PLCE1: variants seen among roughly 807,000 people sequenced by gnomAD.
PLCE1 encodes phospholipase C epsilon 1, also known as 1-phosphatidylinositol 4,5-bisphosphate phosphodiesterase epsilon-1.
In PLCE1, 119 loss-of-function variants were observed where a neutral mutation model predicts 242.8. The ratio of observed to expected loss-of-function variants is 0.49; its 90% CI spans 0.42 to 0.57. The LOEUF (loss-of-function observed/expected upper bound fraction) is 0.57. Among genes scored for constraint, PLCE1 ranks in the 20% least tolerant of loss-of-function variants. PLCE1 has a pLI of 0.00. For missense variants in PLCE1, 2,441 were observed against 2,788.8 expected, an observed-to-expected ratio of 0.88 and a Z score of 2.81; for synonymous variants, 945 against 1,017.4, an observed-to-expected ratio of 0.93 and a Z score of 1.35.
chr10:94,225,153 A>G (rs1423957376), intron 4 of PLCE1: 1 of 152,218 alleles, frequency 6.6e-6, no homozygotes, highest in Non-Finnish European at 1.5e-5. Context: ...ATACCAGAGA[A>G]TAGACCTGTT....
chr10:94,095,963 G>T (rs1475081965), intron 2 of PLCE1, among the ~76,000 whole-genome samples: 1 of 152,168 alleles, frequency 6.6e-6, no homozygotes, highest in Non-Finnish European at 1.5e-5. Context: ...AGGCTACAAG[G>T]CAGATCTGGA....
At chr10:94,289,326 T>A (rs2133399351) in intron 22 of PLCE1, among the ~76,000 whole-genome samples, 1 of 152,276 alleles carries the variant, frequency 6.6e-6, no homozygotes. Flanking sequence ...CAGACTCAGC[T>A]TCTCTCCTGA....
At chr10:94,138,391 A>G (rs2046851894) in intron 3 of PLCE1, 1 of 406,542 alleles carries the variant, frequency 2.5e-6, no homozygotes, top group South Asian at 2.0e-5. Flanking sequence ...CTGGGGACCT[A>G]TGGGATATTG....
intron 2 of PLCE1, among the ~76,000 whole-genome samples, chr10:94,128,550 G>A (rs2046502654): frequency 6.6e-6 from 1 of 152,162 alleles, no homozygotes; most frequent in African/African-American, 2.4e-5. Context: ...TGGGGGCTTG[G>A]AAATGTGGCT....
chr10:94,213,524 G>T (rs1047562730), intron 4 of PLCE1, among the ~76,000 whole-genome samples: 3 of 152,152 alleles, frequency 2.0e-5, no homozygotes, highest in Admixed American at 6.5e-5. Flanking sequence ...TCCTCAGAGA[G>T]CCCTGACCCA....
chr10:94,236,175 A>T lies in PLCE1; in HGVS notation c.2420+55A>T, dbSNP rs1017272869. ...GCTCATCTCTTCTTTTTTCCTGTTGATGAGTTGTTTCCTACTTCAGCTTAG... is the reference window on the plus strand; with the variant it reads ...GCTCATCTCTTCTTTTTTCCTGTTGTTGAGTTGTTTCCTACTTCAGCTTAG... On this transcript the variant is annotated intron_variant, in intron 7 of 32. Coordinates refer to ENST00000371380, the MANE Select transcript of PLCE1 (RefSeq NM_016341.4). 1.1e-5 allele frequency: 16 copies of T among 1,463,972 alleles called. No individual in the cohort carries two copies. The African/African-American group carries it at 1.5e-4, about 14-fold the overall frequency. 90.7% of individuals were successfully genotyped at this position (1,463,972 alleles called of 1,614,324 possible). A position where few individuals can be genotyped will look rare whatever the true frequency, so the allele number is the denominator to read the frequency against.
intron 1 of PLCE1, among the ~76,000 whole-genome samples, chr10:94,014,304 A>T (rs1185605718): frequency 6.6e-6 from 1 of 151,934 alleles, no homozygotes; most frequent in Non-Finnish European, 1.5e-5. Flanking sequence ...GATCATCTTA[A>T]CCATTTTAAA....
intron 19 of PLCE1, among the ~76,000 whole-genome samples, chr10:94,275,382 A>C (rs1031507457): frequency 2.0e-5 from 3 of 152,228 alleles, no homozygotes; most frequent in Non-Finnish European, 4.4e-5. Flanking sequence ...AGATATTCTT[A>C]AATTTGTGGA....
chr10:94,230,376 G>A (rs147781166), intron 5 of PLCE1, among the ~76,000 whole-genome samples: 26 of 152,260 alleles, frequency 1.7e-4, no homozygotes, highest in African/African-American at 6.0e-4. Context: ...CCAGGCTGGA[G>A]TGCAGTGGTG....
intron 4 of PLCE1, among the ~76,000 whole-genome samples, chr10:94,196,993 A>G (rs1403942055): frequency 6.6e-6 from 1 of 152,118 alleles, no homozygotes; most frequent in African/African-American, 2.4e-5. Context: ...GTCACTCCCC[A>G]TTCCTCCCTA....
At chr10:94,210,079 C>G (rs764510983) in intron 4 of PLCE1, among the ~76,000 whole-genome samples, 2 of 151,452 alleles carry the variant, frequency 1.3e-5, no homozygotes, top group Non-Finnish European at 2.9e-5. Context: ...GTCAACAGAC[C>G]AAAAAAATGA....
chr10:94,136,757 T>A (rs944272774), intron 3 of PLCE1, among the ~76,000 whole-genome samples: 3 of 152,140 alleles, frequency 2.0e-5, no homozygotes, highest in African/African-American at 7.2e-5. Context: ...AAGCTGAAGG[T>A]TTGCCAAATA....
At chr10:94,011,460 T>C (rs779747162) in intron 1 of PLCE1, among the ~76,000 whole-genome samples, 3 of 151,972 alleles carry the variant, frequency 2.0e-5, no homozygotes, top group Non-Finnish European at 4.4e-5. Context: ...CCAAACCATC[T>C]CACCTCTTAT....
intron 2 of PLCE1, chr10:94,089,215 C>G (rs980470864): frequency 3.1e-6 from 5 of 1,614,020 alleles, no homozygotes; most frequent in South Asian, 2.2e-5. Flanking sequence ...TCTGTGCAGC[C>G]TCTTAGGCAG....
chr10:94,244,345 T>C (rs1035400371), intron 7 of PLCE1, among the ~76,000 whole-genome samples: 1 of 152,106 alleles, frequency 6.6e-6, no homozygotes, highest in South Asian at 2.1e-4. Context: ...TCCTTCACAA[T>C]TTTACTCACC....
chr10:93,995,246 C>T (rs551740676), intron 1 of PLCE1, among the ~76,000 whole-genome samples: 29 of 152,234 alleles, frequency 1.9e-4, no homozygotes, highest in African/African-American at 6.7e-4. Context: ...TTGTATGCAT[C>T]GATGTCTTCA....
chr10:94,000,326 C>G (rs999783308), intron 1 of PLCE1, among the ~76,000 whole-genome samples: 1 of 151,902 alleles, frequency 6.6e-6, no homozygotes, highest in African/African-American at 2.4e-5. Context: ...TATCTGGCCT[C>G]TACTACTTAT....
intron 4 of PLCE1, among the ~76,000 whole-genome samples, chr10:94,192,577 ACC>A (rs1486957541): frequency 1.3e-5 from 2 of 152,054 alleles, no homozygotes; most frequent in Non-Finnish European, 2.9e-5. Flanking sequence ...TATCCAATCC[ACC>A]ATTGATGGGC....
chr10:94,322,007 G>T lies in PLCE1; in HGVS notation c.6449G>T (p.Arg2150Leu), dbSNP rs769631306. 3 of 1,613,894 alleles carry T rather than the reference G, an allele frequency of 1.9e-6. No homozygotes were observed. Among genetic ancestry groups the T allele is most frequent in the Non-Finnish European group, 2.5e-6 (3 of 1,179,918 alleles). Residue 2150 changes from arginine to leucine, a missense_variant, in exon 30 of 33, where the codon CGA becomes CTA. By Grantham distance (102) the Arg-to-Leu change is moderately radical. This residue lies in a region of PLCE1 where 310 missense variants were observed against 317.2 expected (regional missense o/e 0.98). Coordinates refer to ENST00000371380, the MANE Select transcript of PLCE1 (RefSeq NM_016341.4). ...QVHDVSPEQP[R>L]TVIKAPRVST... ...CATGATGTTTCTCCAGAGCAACCTC[G>T]AACAGTCATCAAAGCACCCCGCGTC...
Sources: allele counts gnomAD v4.1 joint callset (sites outside exome capture counted in the v4.1 genomes callset), GRCh38; gene constraint gnomAD v4.1.1; regional missense constraint gnomAD v4.1.1; transcripts MANE v1.5; gene names NCBI Gene and HGNC (gene_info 2026-07-23, HGNC 2026-07-21).